Variants in TFEC observed in about 807,000 individuals in gnomAD.
TFEC encodes transcription factor EC.
A neutral mutation model predicts 41.6 loss-of-function variants in TFEC; 31 were observed. The ratio of observed to expected loss-of-function variants is 0.74; its 90% CI spans 0.56 to 1.01. The LOEUF (loss-of-function observed/expected upper bound fraction) is 1.01. Among genes scored for constraint, TFEC ranks in the 50% least tolerant of loss-of-function variants. The probability of loss-of-function intolerance (pLI) is 0.00; values close to 1 mark genes in which losing one functional copy is unlikely to be tolerated. For missense variants in TFEC, 402 were observed against 404.1 expected, an observed-to-expected ratio of 0.99 and a Z score of 0.04; for synonymous variants, 143 against 140.6, an observed-to-expected ratio of 1.02 and a Z score of -0.12.
chr7:115,965,755 A>G lies in TFEC; in HGVS notation c.267+8415T>C, dbSNP rs997713818. On this transcript the variant is annotated intron_variant, in intron 3 of 7. Coordinates refer to ENST00000265440, the MANE Select transcript of TFEC (RefSeq NM_012252.4). ...TTGTAGAAACATCTAAGTAAAATTA[A>G]CCTCTGAAAATGTTCATATATCCAT... Among the ~76,000 whole-genome samples, 4 of 151,704 alleles carry G rather than the reference A, an allele frequency of 2.6e-5. No individual in the cohort carries two copies. In the South Asian group the frequency reaches 6.2e-4, roughly 24 times the overall value.
chr7:116,011,263 C>G (rs1170842457), intron 1 of TFEC, among the ~76,000 whole-genome samples: 1 of 152,102 alleles, frequency 6.6e-6, no homozygotes, highest in African/African-American at 2.4e-5. Context: ...TTGGATAACA[C>G]ATTTTGCACC....
chr7:115,953,029 G>A (rs1416260033), intron 5 of TFEC, among the ~76,000 whole-genome samples: 1 of 152,070 alleles, frequency 6.6e-6, no homozygotes, highest in East Asian at 1.9e-4. Flanking sequence ...ACATGACACC[G>A]ATGTGCTCAC....
At chr7:116,007,779 C>G (rs1562929803) in intron 1 of TFEC, among the ~76,000 whole-genome samples, 1 of 152,186 alleles carries the variant, frequency 6.6e-6, no homozygotes, top group East Asian at 1.9e-4. Context: ...CTACTTGCAT[C>G]ATATCTCCTT....
chr7:116,033,914 C>A (rs1042621896), upstream of TFEC, among the ~76,000 whole-genome samples: 1 of 152,084 alleles, frequency 6.6e-6, no homozygotes, highest in Non-Finnish European at 1.5e-5. Flanking sequence ...TCCTCTTTTC[C>A]CATTCTTTCT....
At chr7:115,975,740 A>C (rs756818408) in intron 2 of TFEC, among the ~76,000 whole-genome samples, 76 of 152,172 alleles carry the variant, frequency 5.0e-4, no homozygotes, top group Admixed American at 2.2e-3. Context: ...TATAAAGTGC[A>C]TCAGAGAAGA....
chr7:116,056,050 C>A (rs1218520546), intron 3 of TFEC, among the ~76,000 whole-genome samples: 2 of 151,796 alleles, frequency 1.3e-5, no homozygotes, highest in African/African-American at 2.4e-5. Context: ...CTGTATCCAA[C>A]CAAGATAGAG....
At chr7:116,102,554 A>G (rs1797628249) in intron 3 of TFEC, among the ~76,000 whole-genome samples, 1 of 152,174 alleles carries the variant, frequency 6.6e-6, no homozygotes, top group Admixed American at 6.5e-5. Context: ...AGGAGGATAG[A>G]TTTGAGAACT....
intron 2 of TFEC, among the ~76,000 whole-genome samples, 157 bp from the exon 3 acceptor site, chr7:115,974,413 TA>T: frequency 3.1e-5 from 1 of 32,772 alleles, no homozygotes; most frequent in East Asian, 6.8e-4. Flanking sequence ...ATATTATATA[TA>T]TATATATATA....
intron 2 of TFEC, among the ~76,000 whole-genome samples, chr7:115,980,308 T>A (rs552686529): frequency 6.6e-6 from 1 of 152,252 alleles, no homozygotes; most frequent in South Asian, 2.1e-4. Flanking sequence ...AGCCCCCTTG[T>A]GATCACATGA....
chr7:116,055,956 C>T, intron 3 of TFEC, among the ~76,000 whole-genome samples: 1 of 152,010 alleles, frequency 6.6e-6, no homozygotes, highest in East Asian at 1.9e-4. Context: ...TTAGAGATCA[C>T]TTTATAATTC....
rs1793342577 is a variant in TFEC at position 115,938,636 on chromosome 7, A to G, written c.*1915T>C. 6.6e-6 allele frequency: 1 copy of G among 151,932 alleles called. No individual in the cohort carries two copies. Among genetic ancestry groups the G allele is most frequent in the Admixed American group, 6.6e-5 (1 of 15,216 alleles). The allele number at this position is 151,932 out of a possible 1,614,324, so 9.4% of individuals were successfully genotyped here. A position where few individuals can be genotyped will look rare whatever the true frequency, so the allele number is the denominator to read the frequency against. On this transcript the variant is annotated 3_prime_UTR_variant, in exon 8 of 8. Coordinates refer to ENST00000265440, the MANE Select transcript of TFEC (RefSeq NM_012252.4). ...AATGATTTACTATTTTTCTACTTTT[A>G]TCAGCATTAGGGTCTCACATTTCAT...
At position 115,939,163 on chromosome 7, in the gene TFEC, C is replaced by G. The variant is rs1793367492; in HGVS notation, c.*1388G>C. 6.6e-6 allele frequency: 1 copy of G among 151,894 alleles called. No individual in the cohort carries two copies. Among genetic ancestry groups the G allele is most frequent in the Non-Finnish European group, 1.5e-5 (1 of 67,932 alleles). The allele number at this position is 151,894 out of a possible 1,614,324, so 9.4% of individuals were successfully genotyped here. On this transcript the variant is annotated 3_prime_UTR_variant, in exon 8 of 8. Coordinates refer to ENST00000265440, the MANE Select transcript of TFEC (RefSeq NM_012252.4). Reference sequence around the variant, plus strand: ...CTATCTTTTGTTTTTGTTTTTCATGCATTCTCATTAACTACCTTAGGAGTA... The same window carrying G: ...CTATCTTTTGTTTTTGTTTTTCATGGATTCTCATTAACTACCTTAGGAGTA...
At chr7:116,001,673 T>G (rs900367974) in intron 1 of TFEC, among the ~76,000 whole-genome samples, 3 of 152,048 alleles carry the variant, frequency 2.0e-5, no homozygotes, top group African/African-American at 7.2e-5. Context: ...AAGAAGCTTC[T>G]GCACAGCAAA....
At chr7:115,958,156 C>T (rs1052703204) in intron 3 of TFEC, among the ~76,000 whole-genome samples, 3 of 151,628 alleles carry the variant, frequency 2.0e-5, no homozygotes, top group Non-Finnish European at 4.4e-5. Flanking sequence ...CTATAAAAGC[C>T]ACCTATTGGA....
intron 3 of TFEC, among the ~76,000 whole-genome samples, chr7:115,967,934 G>A (rs894728749): frequency 6.6e-6 from 1 of 151,654 alleles, no homozygotes; most frequent in Non-Finnish European, 1.5e-5. Flanking sequence ...TGATTAAAAA[G>A]TAATAATAAA....
At chr7:116,133,884 G>A (rs574436249) in intron 1 of TFEC, among the ~76,000 whole-genome samples, 1 of 152,180 alleles carries the variant, frequency 6.6e-6, no homozygotes, top group East Asian at 1.9e-4. Flanking sequence ...TAGTTAAGCA[G>A]GTAAAAGAGA....
intron 1 of TFEC, among the ~76,000 whole-genome samples, chr7:116,019,286 A>C (rs190445962): frequency 6.6e-6 from 1 of 152,306 alleles, no homozygotes; most frequent in African/African-American, 2.4e-5. Flanking sequence ...TAATTCTCTA[A>C]AGGAATGACT....
At chr7:115,978,469 A>G (rs1180312875) in intron 2 of TFEC, among the ~76,000 whole-genome samples, 1 of 152,174 alleles carries the variant, frequency 6.6e-6, no homozygotes, top group Non-Finnish European at 1.5e-5. Flanking sequence ...CATCAAATGC[A>G]GCCTTTGTTT....
chr7:115,991,107 A>T lies in TFEC; in HGVS notation c.-72-6594T>A, dbSNP rs559874727. 3.3e-5 allele frequency among the ~76,000 whole-genome samples: 5 copies of T among 152,360 alleles called. No individual in the cohort carries two copies. In the South Asian group the frequency reaches 1.0e-3, roughly 32 times the overall value. On this transcript the variant is annotated intron_variant, in intron 1 of 7. Transcript: ENST00000265440. Reference sequence around the variant, plus strand: ...TCATAAAGAAAAGAATTTTCAACCCAGAATTTCATATCCAGCCAAACTAAG... The same window carrying T: ...TCATAAAGAAAAGAATTTTCAACCCTGAATTTCATATCCAGCCAAACTAAG...
Sources: allele counts gnomAD v4.1 joint callset (sites outside exome capture counted in the v4.1 genomes callset), GRCh38; gene constraint gnomAD v4.1.1; transcripts MANE v1.5; gene names NCBI Gene and HGNC (gene_info 2026-07-23, HGNC 2026-07-21).